TRPM6: variants seen among roughly 807,000 people sequenced by gnomAD.
TRPM6 encodes channel kinase 2.
TRPM6 carries 111 observed loss-of-function variants against 247.6 expected under a neutral mutation model. The observed-to-expected ratio is 0.45, with a 90% CI of 0.38 to 0.52. The LOEUF (loss-of-function observed/expected upper bound fraction) is 0.52. Among genes scored for constraint, TRPM6 ranks in the 20% least tolerant of loss-of-function variants. TRPM6 has a pLI of 0.00. For synonymous variants in TRPM6, 892 were observed against 853.8 expected, an observed-to-expected ratio of 1.04 and a Z score of -0.78; for missense variants, 2,126 against 2,421.5, an observed-to-expected ratio of 0.88 and a Z score of 2.56.
At position 74,792,551 on chromosome 9, in the gene TRPM6, A is replaced by G. The variant is rs1827942362; in HGVS notation, c.2538+73T>C. On this transcript the variant is annotated intron_variant, in intron 19 of 38. Coordinates refer to ENST00000360774, the MANE Select transcript of TRPM6 (RefSeq NM_017662.5). ...CATTTTTAATGCAAAGTGGCAAATC[A>G]GGCATATTATCAACATCATCACTAG... 3 of 1,500,578 alleles carry G rather than the reference A, an allele frequency of 2.0e-6. No individual in the cohort carries two copies. In the South Asian group the frequency reaches 3.4e-5, roughly 17 times the overall value. The allele number at this position is 1,500,578 out of a possible 1,614,324, so 93.0% of individuals were successfully genotyped here.
chr9:74,884,588 T>G (rs962042913), intron 1 of TRPM6, among the ~76,000 whole-genome samples: 2 of 152,180 alleles, frequency 1.3e-5, no homozygotes, highest in African/African-American at 2.4e-5. Context: ...AATCAACAGT[T>G]TGATTACCTC....
chr9:74,811,840 C>A (rs1828740006), intron 12 of TRPM6, among the ~76,000 whole-genome samples: 1 of 152,050 alleles, frequency 6.6e-6, no homozygotes, highest in Admixed American at 6.6e-5. Flanking sequence ...TTACTGACAA[C>A]AGTATAGATT....
rs547154477 is a variant in TRPM6 at position 74,865,193 on chromosome 9, A to G, written c.34-6445T>C. ...AAATAGGGGATTAGAGGAACTCAAC[A>G]GTAACCTTCCAAGTAAAGTGCATCA... is the stretch of plus-strand genomic sequence containing the variant. On this transcript the variant is annotated intron_variant, in intron 1 of 38. Transcript: ENST00000360774. 2.6e-5 allele frequency among the ~76,000 whole-genome samples: 4 copies of G among 152,332 alleles called. No homozygotes were observed. In the South Asian group the frequency reaches 8.3e-4, roughly 32 times the overall value.
At chr9:74,830,849 G>A (rs75321608) in intron 6 of TRPM6, among the ~76,000 whole-genome samples, 2,014 of 130,230 alleles carry the variant, frequency 0.015, 43 homozygotes, top group African/African-American at 0.052. Flanking sequence ...CGCCGGCCTC[G>A]GCCTCGGCCT....
In TRPM6 at chr9:74,834,052, A is replaced by C. The variant is rs894289738; in HGVS notation, c.615T>G (p.Val205=). ...SSHSLRKIWT[V]GIPPWGVIEN... ...CAATGACACCCCAAGGAGGGATTCC[A>C]ACTGTCCAGATTTTTCTCAAGGAAT... The change falls in exon 6 of 39, where the codon GTT becomes GTG. Residue 205 remains valine, a synonymous_variant. Transcript: ENST00000360774. 1 of 1,614,154 alleles carries C rather than the reference A, an allele frequency of 6.2e-7. No homozygotes were observed. Among genetic ancestry groups the C allele is most frequent in the African/African-American group, 1.3e-5 (1 of 75,058 alleles).
chr9:74,736,219 G>A (rs1197132093), intron 36 of TRPM6, among the ~76,000 whole-genome samples: 1 of 152,010 alleles, frequency 6.6e-6, no homozygotes, highest in Non-Finnish European at 1.5e-5. Context: ...TACAAATGAG[G>A]GAAGTGGGAC....
intron 3 of TRPM6, among the ~76,000 whole-genome samples, chr9:74,843,163 T>C (rs767255034): frequency 3.1e-4 from 47 of 152,248 alleles, no homozygotes; most frequent in Non-Finnish European, 5.4e-4. Context: ...ATTTTCTTTA[T>C]TCATCCATAA....
In TRPM6 at chr9:74,833,635, G is replaced by C. The variant is rs1829616670; in HGVS notation, c.669+363C>G. Reference sequence around the variant, plus strand: ...GTTAGGAGACAAAGGTAAGAGTAAAGATGGCTATTGCAATCATTCAGGCAA... The same window carrying C: ...GTTAGGAGACAAAGGTAAGAGTAAACATGGCTATTGCAATCATTCAGGCAA... On this transcript the variant is annotated intron_variant, in intron 6 of 38. Coordinates refer to ENST00000360774, the MANE Select transcript of TRPM6 (RefSeq NM_017662.5). Among the ~76,000 whole-genome samples the C allele has an allele frequency of 2.0e-5, 3 of 152,224 alleles. 1 individual carries two copies. Among genetic ancestry groups the C allele is most frequent in the Non-Finnish European group, 1.5e-5 (1 of 68,042 alleles).
intron 23 of TRPM6, among the ~76,000 whole-genome samples, chr9:74,780,561 G>A (rs535379001): frequency 4.6e-5 from 7 of 152,338 alleles, no homozygotes; most frequent in African/African-American, 1.7e-4. Context: ...GCACTGAAGA[G>A]TTTGGAGCAG....
chr9:74,882,230 A>G (rs1393222983), intron 1 of TRPM6, among the ~76,000 whole-genome samples: 1 of 152,202 alleles, frequency 6.6e-6, no homozygotes, highest in Non-Finnish European at 1.5e-5. Context: ...GTTAAAAAGA[A>G]AAAAGAGAAA....
At chr9:74,837,193 G>A (rs1379631451) in intron 5 of TRPM6, among the ~76,000 whole-genome samples, 1 of 152,232 alleles carries the variant, frequency 6.6e-6, no homozygotes, top group Non-Finnish European at 1.5e-5. Flanking sequence ...GTTCAACTAT[G>A]GTTGAGAAGC....
rs1043652969 is a variant in TRPM6, at chr9:74,766,804, G to A, written c.3537-3670C>T. The stretch of plus-strand genomic sequence containing the variant: ...AGGCACCTGTAATCCCAGCTACTGG[G>A]GAGGGTGAGGTAGGAGAATCACCTG... On this transcript the variant is annotated intron_variant, in intron 25 of 38. Transcript: ENST00000360774. Among the ~76,000 whole-genome samples, 7 of 152,048 alleles carry A rather than the reference G, an allele frequency of 4.6e-5. No individual in the cohort carries two copies. The South Asian group carries it at 1.2e-3, about 27-fold the overall frequency.
rs759321643 is a variant in TRPM6, at chr9:74,762,444, A to G, written c.4227T>C (p.Pro1409=). 23 of 1,614,046 alleles carry G rather than the reference A, an allele frequency of 1.4e-5. No individual in the cohort carries two copies. Among genetic ancestry groups the G allele is most frequent in the African/African-American group, 1.1e-4 (8 of 74,926 alleles). The change falls in exon 26 of 39, where the codon CCT becomes CCC. Residue 1409 remains proline (P), a synonymous_variant. Transcript: ENST00000360774. ...CTTGTCCATCCAGTAAGTGAGCAAT[A>G]GGCTCGTGCTTTTCCTTGGGTTCAT... ...SVDEPKEKHE[P]IAHLLDGQDK... is the part of the protein sequence containing the mutation.
At chr9:74,782,966 T>C in intron 21 of TRPM6, 113 bp from the exon 22 acceptor site, 2 of 1,046,840 alleles carry the variant, frequency 1.9e-6, no homozygotes, top group South Asian at 2.7e-5. Context: ...TGTCTAGTCA[T>C]TGACTAAAAC....
rs1331829657 is a variant in TRPM6 at position 74,808,059 on chromosome 9, T to C, written c.1613A>G (p.Tyr538Cys). The C allele has an allele frequency of 6.2e-7, 1 of 1,613,858 alleles. No individual in the cohort carries two copies. The highest frequency in any genetic ancestry group is 2.2e-5 in the East Asian group (1 of 44,846). ...CTTGTATTTTCTGTAGAGGTTGTTGTAGAGGGCTCTGAAATGTTTTCTAGT... is the reference window on the plus strand; with the variant it reads ...CTTGTATTTTCTGTAGAGGTTGTTGCAGAGGGCTCTGAAATGTTTTCTAGT... ...NYTRKHFRALYNNLYRKYKHQ... is the reference protein window; with the variant it reads ...NYTRKHFRALCNNLYRKYKHQ... The change falls in exon 14 of 39, where the codon TAC (tyrosine) becomes TGC (cysteine). Residue 538 changes from tyrosine (Y) to cysteine (C), a missense_variant. By Grantham distance (194) the Tyr-to-Cys change is radical. Transcript: ENST00000360774.
intron 9 of TRPM6, among the ~76,000 whole-genome samples, chr9:74,817,629 T>C (rs1828983140): frequency 6.6e-6 from 1 of 152,186 alleles, no homozygotes; most frequent in African/African-American, 2.4e-5. Flanking sequence ...GTTCGTTACT[T>C]ATGGTTCCAA....
chr9:74,863,888 C>CTT (rs57621871), intron 1 of TRPM6, among the ~76,000 whole-genome samples: 234 of 149,112 alleles, frequency 1.6e-3, no homozygotes, highest in Admixed American at 3.7e-3. Flanking sequence ...GCCCGGCAAC[C>CTT]TTTTTTTTTT....
intron 26 of TRPM6, 58 bp downstream of exon 26, chr9:74,761,941 C>G (rs745422674): frequency 6.3e-7 from 1 of 1,580,100 alleles, no homozygotes; most frequent in Non-Finnish European, 8.7e-7. Context: ...CAAAACAAAA[C>G]AAAACCAGTA....
At chr9:74,743,549 G>A (rs2118753781) in intron 32 of TRPM6, among the ~76,000 whole-genome samples, 1 of 152,274 alleles carries the variant, frequency 6.6e-6, no homozygotes, top group Middle Eastern at 3.4e-3. Context: ...CCTCAGGAAG[G>A]GCAAGTACAA....
Sources: gnomAD v4.1 joint callset for allele counts (sites outside exome capture counted in the v4.1 genomes callset) on GRCh38, gnomAD v4.1.1 for gene constraint, MANE v1.5 for transcripts, NCBI Gene and HGNC (gene_info 2026-07-23, HGNC 2026-07-21) for gene names.